MBD2: variants seen among roughly 807,000 people sequenced by gnomAD.
MBD2 encodes the protein methyl-CpG binding domain protein 2.
A neutral mutation model predicts 39.3 loss-of-function variants in MBD2; 9 were observed. That is an observed-to-expected ratio of 0.23 (90% CI 0.14 to 0.40). The LOEUF (loss-of-function observed/expected upper bound fraction) is 0.40. Among genes scored for constraint, MBD2 ranks in the 10% least tolerant of loss-of-function variants. The probability of loss-of-function intolerance (pLI) is 1.00; values close to 1 mark genes in which losing one functional copy is unlikely to be tolerated. For synonymous variants in MBD2, 233 were observed against 211.1 expected, an observed-to-expected ratio of 1.10 and a Z score of -0.90; for missense variants, 458 against 532.6, an observed-to-expected ratio of 0.86 and a Z score of 1.38.
Position 54,159,856 on chromosome 18 carries a change from G to T in MBD2, c.1157C>A (p.Ala386Glu). The T allele has an allele frequency of 6.2e-7, 1 of 1,612,812 alleles. No homozygotes were observed. Among genetic ancestry groups the T allele is most frequent in the Non-Finnish European group, 8.5e-7 (1 of 1,179,988 alleles). Reference sequence around the variant, plus strand: ...TCGCGACAAGATGTCTGCCATCAGTGCTTCTTCCAATTTCTTGCGTACTTG... The same window carrying T: ...TCGCGACAAGATGTCTGCCATCAGTTCTTCTTCCAATTTCTTGCGTACTTG... Reference protein sequence around the residue: ...VQQVRKKLEEALMADILSRAA... With the variant: ...VQQVRKKLEEELMADILSRAA... The change falls in exon 6 of 7, where the codon GCA becomes GAA. Residue 386 changes from alanine to glutamate, a missense_variant. Around this residue, in one of 2 missense-constraint regions of MBD2, gnomAD observed 189 missense variants for 296.6 expected, o/e 0.64. Transcript: ENST00000256429.
chr18:54,196,610 GGA>G (rs200910199), intron 2 of MBD2, among the ~76,000 whole-genome samples: 5,176 of 152,170 alleles, frequency 0.034, 124 homozygotes, highest in Non-Finnish European at 0.046. Context: ...TTGCTGACCT[GGA>G]GTCTGCAAGT....
chr18:54,207,246 C>CA (rs2086457950), intron 1 of MBD2, among the ~76,000 whole-genome samples: 2 of 152,224 alleles, frequency 1.3e-5, no homozygotes, highest in South Asian at 4.1e-4. Context: ...ATCTTCCAGT[C>CA]ATGTCTTTCC....
chr18:54,215,031 C>T (rs906918819), intron 1 of MBD2, among the ~76,000 whole-genome samples: 4 of 152,052 alleles, frequency 2.6e-5, no homozygotes, highest in Admixed American at 2.6e-4. Context: ...TGAGCCACCG[C>T]GCCCGGCCTC....
intron 3 of MBD2, among the ~76,000 whole-genome samples, chr18:54,174,872 T>G (rs1251241487): frequency 6.6e-6 from 1 of 152,234 alleles, no homozygotes; most frequent in African/African-American, 2.4e-5. Context: ...CCCACACATG[T>G]GTGAATCTGT....
intron 5 of MBD2, among the ~76,000 whole-genome samples, chr18:54,162,858 A>G (rs1417891075): frequency 6.6e-6 from 1 of 152,186 alleles, no homozygotes; most frequent in Admixed American, 6.5e-5. Context: ...ACCACTTTTT[A>G]TCTTTGCAAA....
chr18:54,194,054 GATGAAGAAC>G (rs2086344576), intron 2 of MBD2, among the ~76,000 whole-genome samples: 1 of 152,108 alleles, frequency 6.6e-6, no homozygotes, highest in Non-Finnish European at 1.5e-5. Flanking sequence ...TAAAGAGGCA[GATGAAGAAC>G]ATGTATCATA....
At chr18:54,214,765 A>C (rs2086542670) in intron 1 of MBD2, among the ~76,000 whole-genome samples, 2 of 146,672 alleles carry the variant, frequency 1.4e-5, no homozygotes, top group Admixed American at 1.4e-4. Flanking sequence ...TTTTAGACGG[A>C]GTCTCGCTCT....
chr18:54,195,676 T>C (rs1351726084), intron 2 of MBD2, among the ~76,000 whole-genome samples: 2 of 152,032 alleles, frequency 1.3e-5, no homozygotes, highest in Non-Finnish European at 2.9e-5. Flanking sequence ...GCCTACTATG[T>C]GGCAGGCACT....
chr18:54,195,328 A>G (rs910159453), intron 2 of MBD2, among the ~76,000 whole-genome samples: 1 of 152,118 alleles, frequency 6.6e-6, no homozygotes, highest in African/African-American at 2.4e-5. Context: ...TTTAAAATTC[A>G]CACAAATTTT....
At chr18:54,221,555 T>C (rs2086613102) in intron 1 of MBD2, among the ~76,000 whole-genome samples, 1 of 151,436 alleles carries the variant, frequency 6.6e-6, no homozygotes. Flanking sequence ...GGCAGGTGGA[T>C]CACAAGGTCA....
intron 1 of MBD2, among the ~76,000 whole-genome samples, chr18:54,214,717 C>A (rs2086541246): frequency 6.6e-6 from 1 of 151,654 alleles, no homozygotes; most frequent in African/African-American, 2.4e-5. Flanking sequence ...AAAAAATTTC[C>A]ACGAGGTAGA....
chr18:54,179,554 T>C (rs931348078), intron 3 of MBD2, among the ~76,000 whole-genome samples: 3 of 152,200 alleles, frequency 2.0e-5, no homozygotes, highest in African/African-American at 7.2e-5. Flanking sequence ...CTGTTTAACA[T>C]TCAAAAACAT....
chr18:54,165,361 A>G (rs1041294378), intron 4 of MBD2, among the ~76,000 whole-genome samples: 1 of 152,256 alleles, frequency 6.6e-6, no homozygotes, highest in African/African-American at 2.4e-5. Context: ...TGCAATGCTT[A>G]AAGTCCTAAA....
At chr18:54,176,600 T>C (rs1197759540) in intron 3 of MBD2, among the ~76,000 whole-genome samples, 1 of 152,230 alleles carries the variant, frequency 6.6e-6, no homozygotes, top group Non-Finnish European at 1.5e-5. Flanking sequence ...CGTGGATGAA[T>C]GGTGTTTCCT....
chr18:54,156,317 G>T (rs557799459), intron 6 of MBD2, among the ~76,000 whole-genome samples: 66 of 152,278 alleles, frequency 4.3e-4, no homozygotes, highest in Middle Eastern at 6.8e-3. Flanking sequence ...AAGTTGGGAA[G>T]ATAACATAAA....
chr18:54,151,997 G>A lies in MBD2; in HGVS notation c.*3327C>T, dbSNP rs1259842. The A allele has an allele frequency of 6.6e-6, 1 of 152,106 alleles. No individual in the cohort carries two copies. The highest frequency in any genetic ancestry group is 6.5e-5 in the Admixed American group (1 of 15,282). The allele number at this position is 152,106 out of a possible 1,614,324, so 9.4% of individuals were successfully genotyped here. A position where few individuals can be genotyped will look rare whatever the true frequency, so the allele number is the denominator to read the frequency against. On this transcript the variant is annotated 3_prime_UTR_variant, in exon 7 of 7. Coordinates refer to ENST00000256429, the MANE Select transcript of MBD2 (RefSeq NM_003927.5). ...ACGTGCCAGGCACTGGGCTAGGCTC[G>A]GGGAACATGAGGATGAAAAAGCACA... is the stretch of plus-strand genomic sequence containing the variant.
At chr18:54,177,041 T>C (rs2144296489) in intron 3 of MBD2, among the ~76,000 whole-genome samples, 1 of 152,336 alleles carries the variant, frequency 6.6e-6, no homozygotes, top group East Asian at 1.9e-4. Flanking sequence ...ACTTGTCAAG[T>C]GCCTGAAAAG....
chr18:54,202,811 C>T (rs779987686), intron 2 of MBD2: 1 of 1,551,834 alleles, frequency 6.4e-7, no homozygotes, highest in African/African-American at 1.4e-5. Flanking sequence ...CAAAAAAAGA[C>T]ATGGTCCCTG....
At chr18:54,221,859 A>G (rs901660375) in intron 1 of MBD2, among the ~76,000 whole-genome samples, 1 of 152,262 alleles carries the variant, frequency 6.6e-6, no homozygotes, top group Non-Finnish European at 1.5e-5. Flanking sequence ...CACTACAACA[A>G]TCTGACTTCT....
Sources: allele counts gnomAD v4.1 joint callset (sites outside exome capture counted in the v4.1 genomes callset), GRCh38; gene constraint gnomAD v4.1.1; regional missense constraint gnomAD v4.1.1; transcripts MANE v1.5; gene names NCBI Gene and HGNC (gene_info 2026-07-23, HGNC 2026-07-21).